CHRNB3: variants seen among roughly 807,000 people sequenced by gnomAD.
CHRNB3 encodes the protein cholinergic receptor nicotinic beta 3 subunit, also known as neuronal acetylcholine receptor subunit beta-3.
CHRNB3 carries 37 observed loss-of-function variants against 40.6 expected under a neutral mutation model. The observed-to-expected ratio is 0.91, with a 90% CI of 0.70 to 1.20. CHRNB3 has a LOEUF of 1.20. CHRNB3 is among the 50% of genes most tolerant of loss of function. CHRNB3 has a pLI of 0.00. For missense variants in CHRNB3, 505 were observed against 551.2 expected (o/e 0.92, Z 0.84); for synonymous variants, 207 against 207.1 (o/e 1.00, Z 0.00).
At chr8:42,709,602 C>T (rs1815978367) in intron 2 of CHRNB3, among the ~76,000 whole-genome samples, 1 of 152,098 alleles carries the variant, frequency 6.6e-6, no homozygotes, top group Admixed American at 6.6e-5. Flanking sequence ...TCCAGTTTAG[C>T]TATTATTTCC....
At position 42,725,718 on chromosome 8, in the gene CHRNB3, T is replaced by C; in HGVS notation, c.250-4876T>C. 4.3e-6 allele frequency: 4 copies of C among 927,670 alleles called. No homozygotes were observed. In the South Asian group the frequency reaches 5.2e-5, roughly 12 times the overall value. 57.5% of individuals were successfully genotyped at this position (927,670 alleles called of 1,614,324 possible). A position where few individuals can be genotyped will look rare whatever the true frequency, so the allele number is the denominator to read the frequency against. ...GCTTCTCCAGGTGCTCCTCAATCAC[T>C]GTGTTGTCTGTCAGAGGGATGGTCT... is the stretch of plus-strand genomic sequence containing the variant. On this transcript the variant is annotated intron_variant, in intron 3 of 5. Transcript: ENST00000289957.
chr8:42,717,305 C>T (rs1301549616), intron 3 of CHRNB3, among the ~76,000 whole-genome samples: 1 of 115,016 alleles, frequency 8.7e-6, no homozygotes, highest in Non-Finnish European at 1.7e-5. Flanking sequence ...ACCCGGGAGG[C>T]GGAGCTTGCA....
At chr8:42,731,581 A>G (rs1816418615) in intron 4 of CHRNB3, 86 bp from the exon 5 acceptor site, 18 of 1,384,058 alleles carry the variant, frequency 1.3e-5, no homozygotes, top group Non-Finnish European at 1.7e-5. Flanking sequence ...GAAAAGTCAT[A>G]AAACAGAAAT....
chr8:42,734,246 C>T (rs1025261966), intron 5 of CHRNB3, among the ~76,000 whole-genome samples: 4 of 106,070 alleles, frequency 3.8e-5, no homozygotes, highest in African/African-American at 1.7e-4. Flanking sequence ...GGCGACAGAG[C>T]GAGACTCCAT....
chr8:42,727,102 G>A (rs1312766778), intron 3 of CHRNB3, among the ~76,000 whole-genome samples: 12 of 152,182 alleles, frequency 7.9e-5, no homozygotes, highest in Admixed American at 7.2e-4. Context: ...GCCGGGCGCC[G>A]TGGCTCACAC....
At chr8:42,727,380 A>G (rs1816330000) in intron 3 of CHRNB3, among the ~76,000 whole-genome samples, 3 of 151,662 alleles carry the variant, frequency 2.0e-5, no homozygotes, top group Admixed American at 2.0e-4. Flanking sequence ...CTCGAAAAAA[A>G]AAAAAAAAAA....
chr8:42,734,259 C>CAA (rs769371275), intron 5 of CHRNB3, among the ~76,000 whole-genome samples: 922 of 23,708 alleles, frequency 0.039, 86 homozygotes, highest in Non-Finnish European at 0.044. Context: ...GACTCCATCT[C>CAA]AAAAAAAAAA....
In CHRNB3 at chr8:42,732,478, T is replaced by G. The variant is rs536126163; in HGVS notation, c.1171T>G (p.Phe391Val). 1.6e-5 allele frequency: 25 copies of G among 1,611,352 alleles called. No individual in the cohort carries two copies. Among genetic ancestry groups the G allele is most frequent in the Non-Finnish European group, 2.1e-5 (25 of 1,179,554 alleles). Reference sequence around the variant, plus strand: ...TGATGGAGAAAAAGTTCTAGTTGCTTTTTTGGAAAAAGCTGCTGATTCCAT... The same window carrying G: ...TGATGGAGAAAAAGTTCTAGTTGCTGTTTTGGAAAAAGCTGCTGATTCCAT... ...LSDGEKVLVA[F>V]LEKAADSIRY... Residue 391 changes from phenylalanine to valine, a missense_variant, in exon 5 of 6, where the codon TTT becomes GTT. Coordinates refer to ENST00000289957, the MANE Select transcript of CHRNB3 (RefSeq NM_000749.5).
intron 3 of CHRNB3, among the ~76,000 whole-genome samples, chr8:42,719,206 G>A (rs972107864): frequency 5.3e-5 from 8 of 152,178 alleles, no homozygotes; most frequent in African/African-American, 1.2e-4. Context: ...CTTAGAGAAC[G>A]AGATAGAGGT....
rs191257186 is a variant in CHRNB3, at chr8:42,713,280, A to G, written c.249+2846A>G. 1.9e-3 allele frequency among the ~76,000 whole-genome samples: 290 copies of G among 152,212 alleles called. 2 individuals carry two copies. Among genetic ancestry groups the G allele is most frequent in the African/African-American group, 6.2e-3 (257 of 41,536 alleles). ...GGCCAAAGAGAACAGCATTAGACAC[A>G]AAAGAGTGGGCGCCGAGGACCCTGA... On this transcript the variant is annotated intron_variant, in intron 3 of 5. Coordinates refer to ENST00000289957, the MANE Select transcript of CHRNB3 (RefSeq NM_000749.5).
chr8:42,700,015 TTTTC>T (rs1025255588), intron 1 of CHRNB3, among the ~76,000 whole-genome samples: 3 of 151,484 alleles, frequency 2.0e-5, no homozygotes, highest in Admixed American at 1.3e-4. Context: ...CAATAATTTC[TTTTC>T]TTTTTTTTTT....
Position 42,732,535 on chromosome 8 carries a change from C to T in CHRNB3, c.1228C>T (p.His410Tyr). ...CATTTCGAGACATGTGAAGAAAGAA[C>T]ATTTTATCAGCCAGGTGAGTAAACT... ...RYISRHVKKE[H>Y]FISQVVQDWK... Residue 410 changes from histidine (H) to tyrosine (Y), a missense_variant, in exon 5 of 6, where the codon CAT becomes TAT. Coordinates refer to ENST00000289957, the MANE Select transcript of CHRNB3 (RefSeq NM_000749.5). 2 of 1,593,848 alleles carry T rather than the reference C, an allele frequency of 1.3e-6. No individual in the cohort carries two copies. The highest frequency in any genetic ancestry group is 1.8e-5 in the Admixed American group (1 of 55,634).
Position 42,703,435 on chromosome 8 carries a change from A to AAATATATATATATATATATAT in CHRNB3, c.53-5281_53-5280insATATATATATATATATATATA. 4.2e-5 allele frequency among the ~76,000 whole-genome samples: 2 copies of AAATATATATATATATATATAT among 47,398 alleles called. 1 individual carries two copies. Among genetic ancestry groups the AAATATATATATATATATATAT allele is most frequent in the Non-Finnish European group, 9.3e-5 (2 of 21,540 alleles). 31.1% of individuals were successfully genotyped at this position (47,398 alleles called of 152,430 possible). On this transcript the variant is annotated intron_variant, in intron 1 of 5. Transcript: ENST00000289957. ...CAAGACTTCGTCTAAAAAAAAAAAAAATATTTATATATATATATATATATA... is the reference window on the plus strand; with the variant it reads ...CAAGACTTCGTCTAAAAAAAAAAAAAAATATATATATATATATATATATATTTATATATATATATATATATA...
At chr8:42,720,325 A>T (rs1279295867) in intron 3 of CHRNB3, among the ~76,000 whole-genome samples, 1 of 151,850 alleles carries the variant, frequency 6.6e-6, no homozygotes, top group Non-Finnish European at 1.5e-5. Context: ...CATGTTGGCC[A>T]GGATGGTCTC....
chr8:42,705,993 T>C (rs183482663), intron 1 of CHRNB3: 2 of 152,364 alleles, frequency 1.3e-5, no homozygotes, highest in East Asian at 3.9e-4. Flanking sequence ...GCTGGCATCA[T>C]CTAGGGAGGG....
chr8:42,698,615 G>T (rs1324743958), intron 1 of CHRNB3, among the ~76,000 whole-genome samples: 1 of 152,118 alleles, frequency 6.6e-6, no homozygotes, highest in African/African-American at 2.4e-5. Context: ...AAGTCAAACA[G>T]GAATTTCTAA....
At chr8:42,729,427 A>C (rs1816364608) in intron 3 of CHRNB3, among the ~76,000 whole-genome samples, 2 of 151,930 alleles carry the variant, frequency 1.3e-5, no homozygotes, top group Non-Finnish European at 2.9e-5. Flanking sequence ...TAAATAAATA[A>C]ATAAATATCA....
intron 3 of CHRNB3, among the ~76,000 whole-genome samples, chr8:42,715,271 G>T (rs1056914704): frequency 6.6e-6 from 1 of 152,106 alleles, no homozygotes; most frequent in Non-Finnish European, 1.5e-5. Context: ...CAGGAGGAGG[G>T]GATATTTAAT....
intron 5 of CHRNB3, among the ~76,000 whole-genome samples, chr8:42,735,089 C>G (rs1031407094): frequency 4.0e-5 from 6 of 151,306 alleles, no homozygotes; most frequent in Non-Finnish European, 7.4e-5. Context: ...GCGTGGTGGC[C>G]GGCGCCTGTA....
Sources: allele counts gnomAD v4.1 joint callset (sites outside exome capture counted in the v4.1 genomes callset), GRCh38; gene constraint gnomAD v4.1.1; transcripts MANE v1.5; gene names NCBI Gene and HGNC (gene_info 2026-07-23, HGNC 2026-07-21).